The following BCL2 variants were observed in gnomAD, a reference collection of about 807,000 sequenced individuals.
The protein encoded by BCL2 is BCL2 apoptosis regulator.
Under a neutral mutation model 14.2 loss-of-function variants are expected in BCL2, and 1 was observed. The observed-to-expected ratio is 0.07, with a 90% confidence interval of 0.02 to 0.33. The LOEUF is 0.33. BCL2 is among the 10% of genes least tolerant of loss of function. BCL2 has a pLI of 0.99. For synonymous variants in BCL2, 151 were observed against 137.2 expected (o/e 1.10, Z -0.70); for missense variants, 247 against 305.9 (o/e 0.81, Z 1.44).
At chr18:63,265,214 A>C (rs1304177653) in intron 2 of BCL2, among the ~76,000 whole-genome samples, 1 of 152,216 alleles carries the variant, frequency 6.6e-6, no homozygotes. Flanking sequence ...GGGAAGGGCC[A>C]CAATGGCAAG....
At chr18:63,237,955 T>C (rs641060) in intron 2 of BCL2, among the ~76,000 whole-genome samples, 1 of 151,580 alleles carries the variant, frequency 6.6e-6, no homozygotes, top group African/African-American at 2.4e-5. Context: ...TTTTTTTTTT[T>C]CCTCTTTCTT....
intron 2 of BCL2, among the ~76,000 whole-genome samples, chr18:63,191,237 C>T (rs1909284888): frequency 6.6e-6 from 1 of 152,188 alleles, no homozygotes; most frequent in South Asian, 2.1e-4. Flanking sequence ...ATTGATGGCT[C>T]AAATGGTATT....
At chr18:63,256,832 G>A (rs578043299) in intron 2 of BCL2, among the ~76,000 whole-genome samples, 1 of 152,264 alleles carries the variant, frequency 6.6e-6, no homozygotes, top group South Asian at 2.1e-4. Context: ...TACAGAGTAA[G>A]CAGAGTCATT....
chr18:63,150,611 C>T (rs1266659613), intron 2 of BCL2, among the ~76,000 whole-genome samples: 2 of 152,142 alleles, frequency 1.3e-5, no homozygotes, highest in African/African-American at 2.4e-5. Flanking sequence ...ATGTATTTTC[C>T]GTGTCCCATG....
At chr18:63,296,307 C>CT (rs1187536210) in intron 2 of BCL2, among the ~76,000 whole-genome samples, 3 of 151,720 alleles carry the variant, frequency 2.0e-5, no homozygotes, top group African/African-American at 2.4e-5. Flanking sequence ...TACTGAAGTC[C>CT]TTTTTTTTGA....
chr18:63,128,463 TTGTG>T lies in BCL2; in HGVS notation c.*158_*161del. ...CGTTTTGCCTGAAGACTGTTAATTG[TTGTG>T]TGTGTGTGTGTCTGTCTGTGTGTGT... On this transcript the variant is annotated 3_prime_UTR_variant, in exon 3 of 3. Transcript: ENST00000333681. The T allele has an allele frequency of 1.2e-5, 6 of 496,290 alleles. No individual in the cohort carries two copies. Among genetic ancestry groups the T allele is most frequent in the South Asian group, 4.2e-5 (1 of 23,832 alleles). The allele number at this position is 496,290 out of a possible 1,614,324, so 30.7% of individuals were successfully genotyped here.
At chr18:63,220,684 C>A (rs534286429) in intron 2 of BCL2, among the ~76,000 whole-genome samples, 2 of 152,058 alleles carry the variant, frequency 1.3e-5, no homozygotes, top group South Asian at 2.1e-4. Flanking sequence ...CAGATGAATT[C>A]ATCATATGGT....
chr18:63,179,891 T>C (rs1307842498), intron 2 of BCL2, among the ~76,000 whole-genome samples: 2 of 152,228 alleles, frequency 1.3e-5, no homozygotes, highest in Admixed American at 6.5e-5. Context: ...CTCGATTTCA[T>C]TGCTGTTGTA....
chr18:63,212,079 G>A (rs1910024889), intron 2 of BCL2, among the ~76,000 whole-genome samples: 2 of 152,146 alleles, frequency 1.3e-5, no homozygotes, highest in Non-Finnish European at 2.9e-5. Context: ...TGTAATCCCA[G>A]CACTTTGGGA....
intron 2 of BCL2, among the ~76,000 whole-genome samples, chr18:63,273,928 T>A (rs952709450): frequency 6.6e-6 from 1 of 152,208 alleles, no homozygotes; most frequent in African/African-American, 2.4e-5. Flanking sequence ...ACTACTAAGA[T>A]GATATTCTTC....
chr18:63,244,941 T>C (rs1400423874), intron 2 of BCL2, among the ~76,000 whole-genome samples: 1 of 152,210 alleles, frequency 6.6e-6, no homozygotes, highest in Non-Finnish European at 1.5e-5. Flanking sequence ...CGTGTTTCCA[T>C]TTCAGCCTGC....
At chr18:63,269,228 A>G (rs1445520932) in intron 2 of BCL2, among the ~76,000 whole-genome samples, 2 of 152,218 alleles carry the variant, frequency 1.3e-5, no homozygotes, top group African/African-American at 4.8e-5. Context: ...TGCTGAGATT[A>G]TAGGTGTGAC....
intron 2 of BCL2, among the ~76,000 whole-genome samples, chr18:63,199,964 A>G (rs1909644136): frequency 6.6e-6 from 1 of 152,126 alleles, no homozygotes. Context: ...ACACACACAC[A>G]CGAAGGATAT....
chr18:63,283,367 T>G (rs941536591), intron 2 of BCL2, among the ~76,000 whole-genome samples: 20 of 152,174 alleles, frequency 1.3e-4, no homozygotes, highest in Non-Finnish European at 2.5e-4. Flanking sequence ...AACCAAAAGC[T>G]TTTAGGGTTT....
In BCL2 at chr18:63,127,623, C is replaced by T; in HGVS notation, c.*1002G>A. 1 of 231,070 alleles carries T rather than the reference C, an allele frequency of 4.3e-6. No homozygotes were observed. The highest frequency in any genetic ancestry group is 8.6e-6 in the Non-Finnish European group (1 of 116,602). 14.3% of individuals were successfully genotyped at this position (231,070 alleles called of 1,614,324 possible). ...CCGGCTCAGTTCCAGGACCAGGCCT[C>T]CAAGCTGGGACACAGGCAGGTTCTG... On this transcript the variant is annotated 3_prime_UTR_variant, in exon 3 of 3. Transcript: ENST00000333681.
chr18:63,134,310 T>A (rs1324327777), intron 2 of BCL2, among the ~76,000 whole-genome samples: 1 of 152,074 alleles, frequency 6.6e-6, no homozygotes, highest in Non-Finnish European at 1.5e-5. Flanking sequence ...CTGAAAAAAA[T>A]CCAGACTCCA....
At position 63,151,800 on chromosome 18, in the gene BCL2, A is replaced by G. The variant is rs532891997; in HGVS notation, c.586-23041T>C. Among the ~76,000 whole-genome samples the G allele has an allele frequency of 6.6e-5, 10 of 152,276 alleles. No homozygotes were observed. The East Asian group carries it at 1.9e-3, about 29-fold the overall frequency. On this transcript the variant is annotated intron_variant, in intron 2 of 2. Coordinates refer to ENST00000333681, the MANE Select transcript of BCL2 (RefSeq NM_000633.3). ...ATTATAAATATAAATGCTCAAACACAAGCAAGTTGAAACCAAATGCCCCCC... is the reference window on the plus strand; with the variant it reads ...ATTATAAATATAAATGCTCAAACACGAGCAAGTTGAAACCAAATGCCCCCC...
intron 2 of BCL2, among the ~76,000 whole-genome samples, chr18:63,143,553 G>A (rs897613199): frequency 2.0e-5 from 3 of 152,252 alleles, no homozygotes; most frequent in Admixed American, 6.5e-5. Flanking sequence ...GCTCAGGACC[G>A]GTCAGACACT....
At chr18:63,179,899 G>T (rs181667452) in intron 2 of BCL2, among the ~76,000 whole-genome samples, 51 of 152,312 alleles carry the variant, frequency 3.3e-4, no homozygotes, top group Admixed American at 1.2e-3. Flanking sequence ...CATTGCTGTT[G>T]TAAGTGTCCT....
Sources: allele counts gnomAD v4.1 joint callset (sites outside exome capture counted in the v4.1 genomes callset), GRCh38; gene constraint gnomAD v4.1.1; transcripts MANE v1.5; gene names NCBI Gene and HGNC (gene_info 2026-07-23, HGNC 2026-07-21).